LIMK1: variants seen among roughly 807,000 people sequenced by gnomAD.
LIMK1 encodes LIM domain kinase 1, also known as LIM motif-containing protein kinase.
Under a neutral mutation model 77.6 loss-of-function variants are expected in LIMK1, and 21 were observed. The ratio of observed to expected loss-of-function variants is 0.27; its 90% CI spans 0.19 to 0.39. The LOEUF (loss-of-function observed/expected upper bound fraction) is 0.39. Among genes scored for constraint, LIMK1 ranks in the 10% least tolerant of loss-of-function variants. The pLI is 1.00. For synonymous variants in LIMK1, 358 were observed against 370.0 expected (o/e 0.97, Z 0.37); for missense variants, 696 against 901.6 (o/e 0.77, Z 2.92).
intron 5 of LIMK1, 48 bp from the exon 6 acceptor site, chr7:74,105,827 G>A (rs782359442): frequency 2.1e-6 from 3 of 1,420,506 alleles, no homozygotes; most frequent in South Asian, 1.2e-5. Flanking sequence ...TCCTGTTGGG[G>A]CTCTGAGGGA....
chr7:74,120,461 A>T (rs1799908138), intron 13 of LIMK1, 122 bp from the exon 14 acceptor site: 1 of 1,012,272 alleles, frequency 9.9e-7, no homozygotes, highest in South Asian at 1.4e-5. Context: ...GGTTGCCGGC[A>T]TCTGCCTCCT....
At position 74,084,059 on chromosome 7, in the gene LIMK1, G is replaced by T; in HGVS notation, c.55+14G>T. ...TGGGAGAGGAAGGTGCGCGGGCCGC[G>T]GGGTGTGGGGCGAGGGCCTGGAGGG... On this transcript the variant is annotated intron_variant, in intron 1 of 15. Transcript: ENST00000336180. The T allele has an allele frequency of 6.8e-7, 1 of 1,468,578 alleles. No homozygotes were observed. The highest frequency in any genetic ancestry group is 2.9e-5 in the East Asian group (1 of 34,878). The allele number at this position is 1,468,578 out of a possible 1,614,324, so 91.0% of individuals were successfully genotyped here.
intron 12 of LIMK1, among the ~76,000 whole-genome samples, chr7:74,112,535 A>G (rs537418133): frequency 2.0e-5 from 3 of 152,054 alleles, no homozygotes; most frequent in Non-Finnish European, 4.4e-5. Context: ...CCTGGCTAAC[A>G]TGGGCACTGT....
intron 2 of LIMK1, among the ~76,000 whole-genome samples, chr7:74,094,546 T>C (rs1204800273): frequency 2.6e-5 from 4 of 151,658 alleles, no homozygotes; most frequent in African/African-American, 9.7e-5. Flanking sequence ...ACCGAGGTCA[T>C]GTGTGATCGG....
At chr7:74,115,734 G>A in intron 12 of LIMK1, 68 bp from the exon 13 acceptor site, 9 of 1,561,668 alleles carry the variant, frequency 5.8e-6, no homozygotes, top group Non-Finnish European at 7.9e-6. Flanking sequence ...TTGGGGTCCT[G>A]GGGAGGGGCA....
intron 7 of LIMK1, among the ~76,000 whole-genome samples, chr7:74,106,476 C>T (rs1344673428): frequency 3.9e-5 from 6 of 152,114 alleles, no homozygotes; most frequent in East Asian, 3.9e-4. Flanking sequence ...AAGCCGGGGA[C>T]GGGGCCAGGC....
intron 12 of LIMK1, among the ~76,000 whole-genome samples, chr7:74,114,590 A>T (rs140610382): frequency 2.0e-5 from 3 of 151,254 alleles, no homozygotes; most frequent in African/African-American, 7.3e-5. Context: ...AAAGCAAAAA[A>T]CATAGACCTC....
chr7:74,106,160 G>A lies in LIMK1; in HGVS notation c.798G>A (p.Leu266=), dbSNP rs373268376. The change falls in exon 7 of 16, where the codon CTG becomes CTA. Residue 266 remains leucine, a synonymous_variant. Coordinates refer to ENST00000336180, the MANE Select transcript of LIMK1 (RefSeq NM_002314.4). The part of the protein sequence containing the change: ...HDPHDTLGHG[L]GPETSPLSSP... ...CTCACGATACACTGGGCCACGGGCT[G>A]GGGCCTGAGACCAGCCCCCTGAGCT... The A allele has an allele frequency of 1.5e-5, 24 of 1,613,950 alleles. No individual in the cohort carries two copies. Among genetic ancestry groups the A allele is most frequent in the African/African-American group, 5.3e-5 (4 of 74,926 alleles).
chr7:74,112,489 G>C (rs1216574168), intron 12 of LIMK1, among the ~76,000 whole-genome samples: 1 of 152,068 alleles, frequency 6.6e-6, no homozygotes, highest in Non-Finnish European at 1.5e-5. Context: ...GGGAGGCCGA[G>C]GCAGGCGGAT....
chr7:74,108,774 G>T lies in LIMK1; in HGVS notation c.1153-131G>T, dbSNP rs1554698087. ...ACGCCAGAGGGTGTGGCAGAGGCAG[G>T]AGAGGGGAGCTGGGGGTTCCGTATC... On this transcript the variant is annotated intron_variant, in intron 9 of 15. Transcript: ENST00000336180. 7.7e-6 allele frequency: 11 copies of T among 1,420,152 alleles called. 1 individual carries two copies. In the South Asian group the frequency reaches 9.8e-5, roughly 13 times the overall value. 88.0% of individuals were successfully genotyped at this position (1,420,152 alleles called of 1,614,324 possible).
At chr7:74,091,167 G>A (rs1339857470) in intron 2 of LIMK1, among the ~76,000 whole-genome samples, 3 of 151,810 alleles carry the variant, frequency 2.0e-5, no homozygotes, top group African/African-American at 7.3e-5. Flanking sequence ...CTCGTGATCC[G>A]CCCACCTCAG....
chr7:74,102,957 C>G (rs1191960100), intron 5 of LIMK1, among the ~76,000 whole-genome samples: 1 of 151,986 alleles, frequency 6.6e-6, no homozygotes, highest in African/African-American at 2.4e-5. Flanking sequence ...CAACCTCCGC[C>G]TTTGGGCTTA....
At chr7:74,109,973 C>G (rs1392590860) in intron 10 of LIMK1, 1 of 152,220 alleles carries the variant, frequency 6.6e-6, no homozygotes, top group Non-Finnish European at 1.5e-5. Context: ...GTTGGATTAC[C>G]TTGTATCCAA....
chr7:74,110,247 A>G (rs943976627), intron 10 of LIMK1: 5 of 152,152 alleles, frequency 3.3e-5, no homozygotes, highest in Non-Finnish European at 1.5e-5. Context: ...TTCCAGCTCC[A>G]CAGGAGGCTG....
intron 5 of LIMK1, among the ~76,000 whole-genome samples, chr7:74,104,380 C>CT (rs1421468594): frequency 2.0e-5 from 3 of 151,824 alleles, no homozygotes; most frequent in African/African-American, 7.3e-5. Flanking sequence ...AATCCCAGCA[C>CT]TTTGGGAGGC....
At chr7:74,094,641 G>A (rs1052648793) in intron 2 of LIMK1, among the ~76,000 whole-genome samples, 16 of 152,154 alleles carry the variant, frequency 1.1e-4, no homozygotes, top group Admixed American at 7.2e-4. Flanking sequence ...CTGGCCTCCC[G>A]GCTGCAGCAC....
At chr7:74,095,310 C>T (rs1226827718) in intron 2 of LIMK1, among the ~76,000 whole-genome samples, 1 of 152,208 alleles carries the variant, frequency 6.6e-6, no homozygotes, top group Non-Finnish European at 1.5e-5. Flanking sequence ...CTAGCCTGTT[C>T]TCTGTGTGGG....
chr7:74,099,000 C>G, intron 4 of LIMK1, 32 bp from the exon 5 acceptor site: 1 of 1,573,104 alleles, frequency 6.4e-7, no homozygotes, highest in Non-Finnish European at 8.7e-7. Flanking sequence ...GCCCTTGACA[C>G]TCTTTTCTTC....
intron 2 of LIMK1, 60 bp from the exon 3 acceptor site, chr7:74,096,562 G>A: frequency 6.2e-7 from 1 of 1,602,732 alleles, no homozygotes; most frequent in South Asian, 1.1e-5. Flanking sequence ...CCGAGGCAGG[G>A]GCCCAGGTGA....
Sources: allele counts gnomAD v4.1 joint callset (sites outside exome capture counted in the v4.1 genomes callset), GRCh38; gene constraint gnomAD v4.1.1; transcripts MANE v1.5; gene names NCBI Gene and HGNC (gene_info 2026-07-23, HGNC 2026-07-21).